The following DLG2 variants were observed in gnomAD, a reference collection of about 807,000 sequenced individuals.
DLG2 encodes discs large MAGUK scaffold protein 2.
In DLG2, 45 loss-of-function variants were observed where a neutral mutation model predicts 132.5. The ratio of observed to expected loss-of-function variants is 0.34; its 90% CI spans 0.27 to 0.44. The LOEUF (loss-of-function observed/expected upper bound fraction) is 0.44. Ranked by LOEUF, DLG2 falls within the 20% of genes least tolerant of loss-of-function variation. The pLI is 1.00. For missense variants in DLG2, 1,045 were observed against 1,196.9 expected, an observed-to-expected ratio of 0.87 and a Z score of 1.87; for synonymous variants, 424 against 419.6, an observed-to-expected ratio of 1.01 and a Z score of -0.13.
chr11:85,132,843 A>G, intron 5 of DLG2: 1 of 456,712 alleles, frequency 2.2e-6, no homozygotes, highest in South Asian at 1.5e-5. Flanking sequence ...CACACCAGCA[A>G]ATCAGCAAAG....
chr11:84,826,335 C>T (rs1460006358), intron 6 of DLG2, among the ~76,000 whole-genome samples: 1 of 151,776 alleles, frequency 6.6e-6, no homozygotes, highest in East Asian at 2.0e-4. Context: ...TAGCCTTCCC[C>T]CTTTTAACTT....
At chr11:84,830,997 T>C (rs866362256) in intron 6 of DLG2, among the ~76,000 whole-genome samples, 2 of 113,760 alleles carry the variant, frequency 1.8e-5, no homozygotes, top group Admixed American at 2.5e-4. Flanking sequence ...TCCCCCCATA[T>C]TGAAAAAAGA....
At chr11:83,713,469 T>C (rs1176786875) in intron 18 of DLG2, among the ~76,000 whole-genome samples, 1 of 152,102 alleles carries the variant, frequency 6.6e-6, no homozygotes, top group Non-Finnish European at 1.5e-5. Flanking sequence ...AGAAAGTATT[T>C]AAATGTAGGG....
chr11:85,357,534 T>A (rs1469758090), intron 3 of DLG2, among the ~76,000 whole-genome samples: 1 of 142,896 alleles, frequency 7.0e-6, no homozygotes, highest in Admixed American at 7.4e-5. Flanking sequence ...TTTTTATTCT[T>A]ATCTATGACT....
chr11:84,065,695 C>A (rs1023857538), intron 10 of DLG2, among the ~76,000 whole-genome samples: 1 of 152,280 alleles, frequency 6.6e-6, no homozygotes, highest in South Asian at 2.1e-4. Flanking sequence ...ACCATTCAAC[C>A]TAGAAATCCC....
intron 7 of DLG2, among the ~76,000 whole-genome samples, chr11:84,427,404 C>T (rs2098970385): frequency 6.6e-6 from 1 of 152,112 alleles, no homozygotes; most frequent in African/African-American, 2.4e-5. Flanking sequence ...GAGGTGCAGT[C>T]ATTTGCTCAA....
intron 3 of DLG2, among the ~76,000 whole-genome samples, chr11:85,512,143 T>A (rs1295371446): frequency 1.3e-5 from 2 of 151,844 alleles, no homozygotes; most frequent in African/African-American, 2.4e-5. Context: ...GGTACAGCAA[T>A]AAGCACAGGA....
chr11:83,537,702 C>T (rs1393745771), intron 20 of DLG2, among the ~76,000 whole-genome samples: 1 of 150,114 alleles, frequency 6.7e-6, no homozygotes, highest in Non-Finnish European at 1.5e-5. Flanking sequence ...GTAATCCCAG[C>T]TACTCAGGAG....
intron 3 of DLG2, among the ~76,000 whole-genome samples, chr11:85,503,517 G>A (rs2153135194): frequency 6.6e-6 from 1 of 152,196 alleles, no homozygotes; most frequent in South Asian, 2.1e-4. Context: ...CAATATGACA[G>A]AATTGAACAG....
chr11:84,080,136 C>T (rs2096883063), intron 10 of DLG2, among the ~76,000 whole-genome samples: 1 of 152,138 alleles, frequency 6.6e-6, no homozygotes, highest in Admixed American at 6.6e-5. Flanking sequence ...TTCTCTATTC[C>T]CAGCTCCAGA....
chr11:85,086,892 A>C (rs1446082591), intron 6 of DLG2, among the ~76,000 whole-genome samples: 4 of 152,264 alleles, frequency 2.6e-5, no homozygotes, highest in African/African-American at 9.6e-5. Context: ...GAAGCAATGA[A>C]ACAGTTCAGA....
intron 4 of DLG2, 37 bp from the exon 5 acceptor site, chr11:85,154,688 T>A: frequency 1.0e-6 from 1 of 997,662 alleles, no homozygotes; most frequent in Non-Finnish European, 1.5e-6. Flanking sequence ...ACTCCTTTTT[T>A]ATTTTCTGCA....
At chr11:84,696,085 GAGT>G (rs1320913848) in intron 6 of DLG2, among the ~76,000 whole-genome samples, 3 of 151,648 alleles carry the variant, frequency 2.0e-5, no homozygotes, top group African/African-American at 7.2e-5. Flanking sequence ...AAAATTGAAT[GAGT>G]AGAACAAAAT....
intron 7 of DLG2, among the ~76,000 whole-genome samples, chr11:84,457,580 G>A (rs2154484063): frequency 6.6e-6 from 1 of 150,996 alleles, no homozygotes. Context: ...AAGCTTTCAT[G>A]CAGAAAATAA....
In DLG2 at chr11:85,559,781, T is replaced by C. The variant is rs191487500; in HGVS notation, c.40+38876A>G. On this transcript the variant is annotated intron_variant, in intron 3 of 27. Transcript: ENST00000376104. ...GTATCTTAAATCTCAAAATCTAAAA[T>C]ACACACACACAGATAGATGGTGATT... 1.5e-4 allele frequency among the ~76,000 whole-genome samples: 22 copies of C among 149,952 alleles called. 1 individual carries two copies. The highest frequency in any genetic ancestry group is 4.6e-4 in the African/African-American group (19 of 41,110).
chr11:84,766,594 A>G (rs1281610371), intron 6 of DLG2, among the ~76,000 whole-genome samples: 1 of 152,094 alleles, frequency 6.6e-6, no homozygotes, highest in African/African-American at 2.4e-5. Flanking sequence ...TACGTGGATG[A>G]AGAAATTAAC....
intron 12 of DLG2, among the ~76,000 whole-genome samples, chr11:83,973,741 A>C (rs575823425): frequency 6.6e-6 from 1 of 152,044 alleles, no homozygotes; most frequent in African/African-American, 2.4e-5. Context: ...TCCCTACCCC[A>C]GAAATCCAGA....
At chr11:84,484,556 A>G (rs1238926427) in intron 7 of DLG2, among the ~76,000 whole-genome samples, 1 of 152,186 alleles carries the variant, frequency 6.6e-6, no homozygotes, top group Non-Finnish European at 1.5e-5. Flanking sequence ...ATGGACATTT[A>G]GTCAGCTTAG....
At chr11:85,383,040 C>A (rs1249476939) in intron 3 of DLG2, among the ~76,000 whole-genome samples, 2 of 152,042 alleles carry the variant, frequency 1.3e-5, no homozygotes, top group African/African-American at 4.8e-5. Context: ...ATGTTCATGG[C>A]AGTATTATTC....
Sources: allele counts gnomAD v4.1 joint callset (sites outside exome capture counted in the v4.1 genomes callset), GRCh38; gene constraint gnomAD v4.1.1; transcripts MANE v1.5; gene names NCBI Gene and HGNC (gene_info 2026-07-23, HGNC 2026-07-21).